The following IKZF2 variants were observed in gnomAD, a reference collection of about 807,000 sequenced individuals.
IKZF2 encodes zinc finger protein Helios.
IKZF2 carries 15 observed loss-of-function variants against 49.2 expected under a neutral mutation model. The observed-to-expected ratio is 0.30, with a 90% CI of 0.20 to 0.47. IKZF2 has a LOEUF of 0.47. IKZF2 is among the 20% of genes least tolerant of loss of function. IKZF2 has a pLI of 1.00. For synonymous variants in IKZF2, 227 were observed against 221.4 expected (o/e 1.03, Z -0.23); for missense variants, 567 against 664.6 (o/e 0.85, Z 1.61).
intron 6 of IKZF2, among the ~76,000 whole-genome samples, chr2:213,028,198 C>T (rs1401158011): frequency 1.3e-5 from 2 of 152,058 alleles, no homozygotes; most frequent in Non-Finnish European, 2.9e-5. Context: ...TGAAAATCAA[C>T]TGACCAATTT....
chr2:213,082,452 T>A (rs1229735177), intron 4 of IKZF2, among the ~76,000 whole-genome samples: 2 of 152,182 alleles, frequency 1.3e-5, no homozygotes, highest in Admixed American at 1.3e-4. Context: ...AGAAATAAGA[T>A]TTATAATGAT....
At chr2:213,088,535 G>A (rs1334800378) in intron 4 of IKZF2, among the ~76,000 whole-genome samples, 3 of 152,126 alleles carry the variant, frequency 2.0e-5, no homozygotes, top group African/African-American at 7.2e-5. Flanking sequence ...GAGGCAGGGG[G>A]ATCATTTGAA....
intron 4 of IKZF2, among the ~76,000 whole-genome samples, chr2:213,112,348 A>T (rs932934319): frequency 6.7e-6 from 1 of 149,576 alleles, no homozygotes; most frequent in Non-Finnish European, 1.5e-5. Flanking sequence ...ACAATAAAAA[A>T]TATATTTTTA....
rs1047785920 is a variant in IKZF2 at position 212,999,735 on chromosome 2, A to G, written c.*7625T>C. On this transcript the variant is annotated 3_prime_UTR_variant, in exon 9 of 9. Transcript: ENST00000434687. ...AAGTTTATTTTATTGGTAAAATATT[A>G]AATAATATACAGAATTAAAAACTGC... is the stretch of plus-strand genomic sequence containing the variant. 3 of 152,424 alleles carry G rather than the reference A, an allele frequency of 2.0e-5. No homozygotes were observed. The highest frequency in any genetic ancestry group is 7.2e-5 in the African/African-American group (3 of 41,448). The allele number at this position is 152,424 out of a possible 1,614,324, so 9.4% of individuals were successfully genotyped here.
At chr2:213,115,242 T>C (rs1423619651) in intron 4 of IKZF2, among the ~76,000 whole-genome samples, 2 of 151,608 alleles carry the variant, frequency 1.3e-5, no homozygotes, top group Non-Finnish European at 2.9e-5. Flanking sequence ...GAAAATAGTA[T>C]CATGTCTTAC....
At chr2:213,150,422 A>C in intron 1 of IKZF2, 175 bp from the exon 2 acceptor site, 2 of 263,510 alleles carry the variant, frequency 7.6e-6, no homozygotes, top group South Asian at 3.6e-5. Flanking sequence ...TCGGCTGATA[A>C]ACAAAACCAA....
chr2:213,141,109 T>C (rs2060850941), intron 4 of IKZF2, among the ~76,000 whole-genome samples: 1 of 151,972 alleles, frequency 6.6e-6, no homozygotes, highest in Non-Finnish European at 1.5e-5. Flanking sequence ...ATCTATCCCG[T>C]AATTTAAAGG....
At position 213,030,817 on chromosome 2, in the gene IKZF2, T is replaced by C. The variant is rs370126823; in HGVS notation, c.575-8687A>G. The stretch of plus-strand genomic sequence containing the variant: ...CCAGCATTAGTACTATTTTTCTTTT[T>C]TTTTTTTTTTTGTTTGGTGAGATGG... On this transcript the variant is annotated intron_variant, in intron 6 of 8. Transcript: ENST00000434687. Among the ~76,000 whole-genome samples, 114 of 150,412 alleles carry C rather than the reference T, an allele frequency of 7.6e-4. 2 individuals are homozygous for C. In the South Asian group the frequency reaches 0.017, roughly 23 times the overall value.
chr2:213,150,721 A>AGGG (rs1489629406), intron 1 of IKZF2, among the ~76,000 whole-genome samples: 1 of 83,802 alleles, frequency 1.2e-5, no homozygotes, highest in Admixed American at 1.3e-4. Flanking sequence ...GGGCGGGTAG[A>AGGG]GGGGAGGGAC....
chr2:213,146,525 C>A (rs1362281128), intron 4 of IKZF2, among the ~76,000 whole-genome samples: 2 of 151,646 alleles, frequency 1.3e-5, no homozygotes, highest in Admixed American at 6.6e-5. Context: ...AAGTCAATAG[C>A]TAAAATTACT....
intron 5 of IKZF2, among the ~76,000 whole-genome samples, chr2:213,051,457 A>T (rs1700666121): frequency 6.6e-6 from 1 of 151,970 alleles, no homozygotes; most frequent in Non-Finnish European, 1.5e-5. Flanking sequence ...ATTGAAAAAA[A>T]TCTGTAATGT....
intron 4 of IKZF2, among the ~76,000 whole-genome samples, chr2:213,077,743 A>G (rs1014600204): frequency 7.3e-5 from 11 of 151,654 alleles, no homozygotes; most frequent in Non-Finnish European, 1.5e-5. Context: ...GCCCGCCACC[A>G]TGTCCGGCTA....
chr2:213,026,308 C>T (rs948586892), intron 6 of IKZF2, among the ~76,000 whole-genome samples: 1 of 152,098 alleles, frequency 6.6e-6, no homozygotes, highest in African/African-American at 2.4e-5. Flanking sequence ...AGAACTATTC[C>T]TGTATTGACC....
chr2:213,130,093 C>T (rs1465014523), intron 4 of IKZF2, among the ~76,000 whole-genome samples: 2 of 152,150 alleles, frequency 1.3e-5, no homozygotes, highest in Non-Finnish European at 2.9e-5. Flanking sequence ...CTAATGAAGG[C>T]ACACCTTCTC....
intron 4 of IKZF2, among the ~76,000 whole-genome samples, chr2:213,124,270 A>C (rs1361814823): frequency 7.3e-6 from 1 of 137,252 alleles, no homozygotes; most frequent in Non-Finnish European, 1.6e-5. Context: ...ACACACACAC[A>C]CACACACACA....
chr2:213,106,756 A>C (rs1469577685), intron 4 of IKZF2, among the ~76,000 whole-genome samples: 1 of 152,136 alleles, frequency 6.6e-6, no homozygotes, highest in East Asian at 1.9e-4. Flanking sequence ...AAAAATCTAA[A>C]AGTGAAACAT....
rs141005136 is a variant in IKZF2, at chr2:213,147,778, G to T, written c.69C>A (p.Ser23=). The change falls in exon 4 of 9, where the codon TCC becomes TCA. Residue 23 remains serine, a synonymous_variant. Coordinates refer to ENST00000434687, the MANE Select transcript of IKZF2 (RefSeq NM_001387220.1). The stretch of plus-strand genomic sequence containing the variant: ...TTGAGGTGAGGTCAATTGCCATATT[G>T]GAGTGCTCCCTTTCGGGTGAAAGCT... ...DNELSPEREH[S]NMAIDLTSST... 2 of 1,613,692 alleles carry T rather than the reference G, an allele frequency of 1.2e-6. No homozygotes were observed. Among genetic ancestry groups the T allele is most frequent in the Non-Finnish European group, 1.7e-6 (2 of 1,179,798 alleles).
chr2:213,044,322 A>C (rs1279446839), intron 6 of IKZF2, among the ~76,000 whole-genome samples: 2 of 152,162 alleles, frequency 1.3e-5, no homozygotes, highest in African/African-American at 4.8e-5. Context: ...TTCTTTTGTG[A>C]ATATTTGTCT....
At chr2:213,145,625 T>C (rs1341081643) in intron 4 of IKZF2, among the ~76,000 whole-genome samples, 1 of 152,036 alleles carries the variant, frequency 6.6e-6, no homozygotes, top group Non-Finnish European at 1.5e-5. Flanking sequence ...GCTGATATTC[T>C]CCTAGATCTA....
Sources: gnomAD v4.1 joint callset for allele counts (sites outside exome capture counted in the v4.1 genomes callset) on GRCh38, gnomAD v4.1.1 for gene constraint, MANE v1.5 for transcripts, NCBI Gene and HGNC (gene_info 2026-07-23, HGNC 2026-07-21) for gene names.